The following YWHAZ variants were observed in gnomAD, a reference collection of about 807,000 sequenced individuals.
YWHAZ encodes 14-3-3 protein zeta/delta.
For missense variants in YWHAZ, 79 were observed against 284.8 expected (o/e 0.28, Z 5.20); for synonymous variants, 87 against 103.6 (o/e 0.84, Z 0.97).
intron 2 of YWHAZ, among the ~76,000 whole-genome samples, chr8:100,946,608 T>C (rs1194586685): frequency 6.6e-6 from 1 of 151,984 alleles, no homozygotes; most frequent in Non-Finnish European, 1.5e-5. Context: ...AGTCTTTTCC[T>C]TGGAAAAGAC....
At chr8:100,947,183 G>A (rs1810355399) in intron 2 of YWHAZ, among the ~76,000 whole-genome samples, 1 of 151,110 alleles carries the variant, frequency 6.6e-6, no homozygotes, top group Non-Finnish European at 1.5e-5. Context: ...GAACCCGGGA[G>A]GCGGAGCTTG....
At chr8:100,952,078 T>G, upstream of YWHAZ, 3 of 987,230 alleles carry the variant, frequency 3.0e-6, no homozygotes, top group Non-Finnish European at 3.6e-6. Context: ...TTTCCTCCAA[T>G]CACCAGCCCC....
chr8:100,942,538 T>C (rs1017863125), intron 2 of YWHAZ, among the ~76,000 whole-genome samples: 2 of 152,202 alleles, frequency 1.3e-5, no homozygotes, highest in African/African-American at 4.8e-5. Flanking sequence ...CATATACTCC[T>C]TCAGTGTACT....
intron 1 of YWHAZ, among the ~76,000 whole-genome samples, chr8:100,950,067 ATTTT>A (rs1192624560): frequency 6.6e-6 from 1 of 152,134 alleles, no homozygotes; most frequent in Non-Finnish European, 1.5e-5. Flanking sequence ...ATCCCACAAT[ATTTT>A]TTTAACCAAA....
chr8:100,918,745 T>C lies in YWHAZ; in HGVS notation c.*1948A>G, dbSNP rs1292986390. The C allele has an allele frequency of 6.6e-6, 1 of 152,514 alleles. No homozygotes were observed. The highest frequency in any genetic ancestry group is 2.4e-5 in the African/African-American group (1 of 41,426). 9.4% of individuals were successfully genotyped at this position (152,514 alleles called of 1,614,324 possible). The stretch of plus-strand genomic sequence containing the variant: ...CACTGCCTCCCATCATCAATATTTA[T>C]TGAGCATTTACAGTGTACTAGGCAC... On this transcript the variant is annotated 3_prime_UTR_variant, in exon 6 of 6. Transcript: ENST00000395958.
chr8:100,926,844 GTCTT>G (rs1813399296), intron 2 of YWHAZ, among the ~76,000 whole-genome samples: 1 of 152,174 alleles, frequency 6.6e-6, no homozygotes, highest in African/African-American at 2.4e-5. Context: ...AGTCAAGTGA[GTCTT>G]TCCACTTAAA....
chr8:100,929,318 GC>G (rs1385246315), intron 2 of YWHAZ, among the ~76,000 whole-genome samples: 1 of 151,810 alleles, frequency 6.6e-6, no homozygotes, highest in Non-Finnish European at 1.5e-5. Flanking sequence ...TCCTGCCTTG[GC>G]CTCCTGAGTA....
At chr8:100,936,452 A>G (rs1814152876) in intron 2 of YWHAZ, among the ~76,000 whole-genome samples, 1 of 152,182 alleles carries the variant, frequency 6.6e-6, no homozygotes, top group Non-Finnish European at 1.5e-5. Context: ...AATATAATGC[A>G]GTGAGGAGGA....
At chr8:100,933,542 TGAAAA>T (rs1194557597) in intron 2 of YWHAZ, among the ~76,000 whole-genome samples, 1 of 152,166 alleles carries the variant, frequency 6.6e-6, no homozygotes. Context: ...AAAAATAAAA[TGAAAA>T]GAATCTGTGC....
Position 100,924,615 on chromosome 8 carries a change from C to A in YWHAZ, c.418+301G>T, listed in dbSNP as rs758193428. ...CAGATTAGCTGGGACCAAAGGCTTG[C>A]ACCACCATGCCCAGCTAATTTTCAA... On this transcript the variant is annotated intron_variant, in intron 3 of 5. Transcript: ENST00000395958. The surrounding 1 kb of genome is among the most constrained non-coding windows in gnomAD (Gnocchi z 5.7). Among the ~76,000 whole-genome samples, 7 of 152,158 alleles carry A rather than the reference C, an allele frequency of 4.6e-5. No individual in the cohort carries two copies. Among genetic ancestry groups the A allele is most frequent in the Non-Finnish European group, 1.0e-4 (7 of 68,022 alleles).
intron 2 of YWHAZ, among the ~76,000 whole-genome samples, chr8:100,940,225 A>T (rs1178887886): frequency 8.5e-5 from 13 of 152,162 alleles, no homozygotes. Flanking sequence ...GAAGTTTCTC[A>T]CAAACCAAGG....
rs997801802 is a variant in YWHAZ at position 100,948,419 on chromosome 8, T to C, written c.294+177A>G. Among the ~76,000 whole-genome samples, 11 of 152,224 alleles carry C rather than the reference T, an allele frequency of 7.2e-5. No homozygotes were observed. The highest frequency in any genetic ancestry group is 2.7e-4 in the African/African-American group (11 of 41,456). Reference sequence around the variant, plus strand: ...TAATCATTGTTGCAATTATTTTACATACACGTATCTATAATTGTCTTAACA... The same window carrying C: ...TAATCATTGTTGCAATTATTTTACACACACGTATCTATAATTGTCTTAACA... On this transcript the variant is annotated intron_variant, in intron 2 of 5. Coordinates refer to ENST00000395958, the MANE Select transcript of YWHAZ (RefSeq NM_145690.3). The surrounding 1 kb of genome is among the most constrained non-coding windows in gnomAD (Gnocchi z 4.2).
At chr8:100,923,022 A>G (rs908008419) in intron 5 of YWHAZ, 4 of 152,228 alleles carry the variant, frequency 2.6e-5, no homozygotes, top group African/African-American at 9.6e-5. Context: ...CAAGTATACA[A>G]TACTATTCAA....
At chr8:100,927,057 T>G (rs147048913) in intron 2 of YWHAZ, among the ~76,000 whole-genome samples, 2 of 152,368 alleles carry the variant, frequency 1.3e-5, no homozygotes, top group Non-Finnish European at 2.9e-5. Context: ...GGCAGAGACC[T>G]CTAAGATTAT....
intron 2 of YWHAZ, among the ~76,000 whole-genome samples, chr8:100,947,027 G>A (rs924869203): frequency 1.3e-5 from 2 of 151,822 alleles, no homozygotes; most frequent in East Asian, 3.9e-4. Context: ...GCTGAGGAGG[G>A]CGGATCACGA....
chr8:100,926,169 G>T (rs1341148679), intron 2 of YWHAZ, among the ~76,000 whole-genome samples: 1 of 150,134 alleles, frequency 6.7e-6, no homozygotes, highest in Non-Finnish European at 1.5e-5. Flanking sequence ...CTGGGTAGGT[G>T]AACAGTTTTA....
At chr8:100,939,028 G>A (rs1814416824) in intron 2 of YWHAZ, among the ~76,000 whole-genome samples, 2 of 152,176 alleles carry the variant, frequency 1.3e-5, no homozygotes, top group South Asian at 2.1e-4. Flanking sequence ...ATTAATAGAT[G>A]GCAAATCTGC....
chr8:100,924,540 T>C lies in YWHAZ; in HGVS notation c.419-242A>G, dbSNP rs965475847. 4.6e-5 allele frequency among the ~76,000 whole-genome samples: 7 copies of C among 152,176 alleles called. No individual in the cohort carries two copies. Among genetic ancestry groups the C allele is most frequent in the Admixed American group, 1.3e-4 (2 of 15,266 alleles). On this transcript the variant is annotated intron_variant, in intron 3 of 5. Coordinates refer to ENST00000395958, the MANE Select transcript of YWHAZ (RefSeq NM_145690.3). The surrounding 1 kb of genome is among the most constrained non-coding windows in gnomAD (Gnocchi z 5.7). ...TCATTATTGTTATGTTTTTAAAAAATTGACGAGTTTTGACATCCCAGACCC... is the reference window on the plus strand; with the variant it reads ...TCATTATTGTTATGTTTTTAAAAAACTGACGAGTTTTGACATCCCAGACCC...
chr8:100,951,249 C>T (rs1315522994), intron 1 of YWHAZ: 8 of 984,934 alleles, frequency 8.1e-6, no homozygotes, highest in Non-Finnish European at 9.6e-6. Flanking sequence ...CGGGCGCCGC[C>T]GCGCCAGGCC....
Sources: gnomAD v4.1 joint callset for allele counts (sites outside exome capture counted in the v4.1 genomes callset) on GRCh38, gnomAD v4.1.1 for gene constraint, Gnocchi (gnomAD v3.1) non-coding constraint, MANE v1.5 for transcripts, NCBI Gene and HGNC (gene_info 2026-07-23, HGNC 2026-07-21) for gene names.